Variants in PCDHGB4 observed in about 807,000 individuals in gnomAD.
PCDHGB4 encodes protocadherin gamma subfamily B, 4.
A neutral mutation model predicts 60.5 loss-of-function variants in PCDHGB4; 38 were observed. The ratio of observed to expected loss-of-function variants is 0.63; its 90% CI spans 0.48 to 0.82. The LOEUF is 0.82. Among genes scored for constraint, PCDHGB4 ranks in the 40% least tolerant of loss-of-function variants. The pLI, the probability that PCDHGB4 is intolerant of heterozygous loss-of-function variation, is 0.00. For missense variants in PCDHGB4, 1,109 were observed against 1,209.6 expected, an observed-to-expected ratio of 0.92 and a Z score of 1.23; for synonymous variants, 456 against 509.7, an observed-to-expected ratio of 0.89 and a Z score of 1.42.
At chr5:141,428,307 C>T (rs759382004) in intron 1 of PCDHGB4, 5 of 688,034 alleles carry the variant, frequency 7.3e-6, no homozygotes, top group Non-Finnish European at 5.1e-6. Flanking sequence ...TTTACCTGGT[C>T]GTGGCCTTGG....
chr5:141,442,702 T>G (rs1301940560), intron 1 of PCDHGB4, among the ~76,000 whole-genome samples: 6 of 152,224 alleles, frequency 3.9e-5, no homozygotes, highest in Non-Finnish European at 8.8e-5. Context: ...GACAAGAGTA[T>G]CAGACATGCC....
intron 1 of PCDHGB4, chr5:141,415,377 C>T (rs774655293): frequency 1.2e-6 from 2 of 1,614,118 alleles, no homozygotes; most frequent in African/African-American, 2.7e-5. Flanking sequence ...CTTCAGGAGG[C>T]GGCTTGACAG....
chr5:141,414,550 G>A (rs773044624), intron 1 of PCDHGB4: 1 of 1,613,948 alleles, frequency 6.2e-7, no homozygotes, highest in East Asian at 2.2e-5. Flanking sequence ...CTTCTCTCAA[G>A]TCTCCTACTT....
rs1376069004 is a variant in PCDHGB4 at position 141,457,869 on chromosome 5, G to T, written c.2398-36938G>T. On this transcript the variant is annotated intron_variant, in intron 1 of 3. Transcript: ENST00000519479. ...AAGTGACATTCTTCACTGACCACAG[G>T]TTAGGAACCCTGTGTGGGGACTGTG... 2.0e-5 allele frequency among the ~76,000 whole-genome samples: 3 copies of T among 152,334 alleles called. No individual in the cohort carries two copies. The East Asian group carries it at 5.8e-4, about 29-fold the overall frequency.
intron 1 of PCDHGB4, among the ~76,000 whole-genome samples, chr5:141,458,596 G>A (rs907922436): frequency 1.8e-4 from 27 of 151,842 alleles, no homozygotes; most frequent in African/African-American, 5.8e-4. Flanking sequence ...TTGGAGACGA[G>A]TCTCACTCTG....
chr5:141,403,308 T>C (rs1245270186), intron 1 of PCDHGB4: 2 of 1,613,866 alleles, frequency 1.2e-6, no homozygotes, highest in Admixed American at 1.7e-5. Flanking sequence ...CTGTACGGAA[T>C]AGAAATAGAA....
intron 1 of PCDHGB4, among the ~76,000 whole-genome samples, chr5:141,430,358 C>T (rs2097275535): frequency 6.7e-6 from 1 of 149,028 alleles, no homozygotes; most frequent in South Asian, 2.1e-4. Flanking sequence ...TTTAAAAGCT[C>T]ATTGGGGAAA....
chr5:141,394,427 G>A (rs748527281), intron 1 of PCDHGB4: 23 of 1,614,228 alleles, frequency 1.4e-5, no homozygotes, highest in Non-Finnish European at 1.6e-5. Flanking sequence ...GCGACAGCGG[G>A]GACCCGCCCC....
Position 141,486,697 on chromosome 5 carries a change from C to G in PCDHGB4, c.2398-8110C>G. 1 of 1,614,176 alleles carries G rather than the reference C, an allele frequency of 6.2e-7. No individual in the cohort carries two copies. The highest frequency in any genetic ancestry group is 8.5e-7 in the Non-Finnish European group (1 of 1,180,032). ...GAGATGTATCAGCTTCCTCTTTCATCTCTCTGAACCCCCAGACAGGAGCTG... is the reference window on the plus strand; with the variant it reads ...GAGATGTATCAGCTTCCTCTTTCATGTCTCTGAACCCCCAGACAGGAGCTG... On this transcript the variant is annotated intron_variant, in intron 1 of 3. Coordinates refer to ENST00000519479, the MANE Select transcript of PCDHGB4 (RefSeq NM_003736.4). The surrounding 1 kb of genome is among the most constrained non-coding windows in gnomAD (Gnocchi z 5.0).
chr5:141,420,065 G>T, intron 1 of PCDHGB4: 1 of 1,614,018 alleles, frequency 6.2e-7, no homozygotes, highest in East Asian at 2.2e-5. Flanking sequence ...CTCCAAGTCC[G>T]GACCTGTGGG....
At chr5:141,461,820 A>AT (rs1458631685) in intron 1 of PCDHGB4, among the ~76,000 whole-genome samples, 5 of 147,814 alleles carry the variant, frequency 3.4e-5, no homozygotes, top group African/African-American at 7.5e-5. Context: ...CACCCAGCTA[A>AT]TTTTTTTTTC....
rs1237358865 is a variant in PCDHGB4 at position 141,388,062 on chromosome 5, G to A, written c.178G>A (p.Glu60Lys). 1 of 1,380,416 alleles carries A rather than the reference G, an allele frequency of 7.2e-7. No individual in the cohort carries two copies. The highest frequency in any genetic ancestry group is 1.5e-5 in the African/African-American group (1 of 68,620). The allele number at this position is 1,380,416 out of a possible 1,614,324, so 85.5% of individuals were successfully genotyped here. ...LATDLGFSVQ[E>K]LPTRKLRVSS... Reference sequence around the variant, plus strand: ...CACGGACCTGGGGTTCAGCGTCCAGGAGTTACCGACTCGAAAACTGCGCGT... The same window carrying A: ...CACGGACCTGGGGTTCAGCGTCCAGAAGTTACCGACTCGAAAACTGCGCGT... Residue 60 changes from glutamate (E) to lysine (K), a missense_variant, in exon 1 of 4, where the codon GAG becomes AAG. Physicochemically the swap from Glu to Lys is moderately conservative, Grantham distance 56. Coordinates refer to ENST00000519479, the MANE Select transcript of PCDHGB4 (RefSeq NM_003736.4).
In PCDHGB4 at chr5:141,490,499, A is replaced by G. The variant is rs1269710790; in HGVS notation, c.2398-4308A>G. On this transcript the variant is annotated intron_variant, in intron 1 of 3. Coordinates refer to ENST00000519479, the MANE Select transcript of PCDHGB4 (RefSeq NM_003736.4). The surrounding 1 kb of genome is among the most constrained non-coding windows in gnomAD (Gnocchi z 5.4). ...TTGGACCGGGAGGCCACATCCCACT[A>G]TATCATCGAGCTGCTGGCCAGCGAT... 1.2e-6 allele frequency: 2 copies of G among 1,614,148 alleles called. No homozygotes were observed. Among genetic ancestry groups the G allele is most frequent in the Non-Finnish European group, 8.5e-7 (1 of 1,180,020 alleles).
intron 1 of PCDHGB4, chr5:141,393,251 G>A: frequency 6.2e-7 from 1 of 1,613,814 alleles, no homozygotes; most frequent in Non-Finnish European, 8.5e-7. Context: ...ACGAAATCGC[G>A]GTTCCTGGAG....
chr5:141,483,736 G>A (rs1296877404), intron 1 of PCDHGB4, among the ~76,000 whole-genome samples: 1 of 152,110 alleles, frequency 6.6e-6, no homozygotes, highest in Non-Finnish European at 1.5e-5. Flanking sequence ...ATAGTCAAAA[G>A]GATATTCCTG....
chr5:141,415,375 G>A (rs1453832867), intron 1 of PCDHGB4: 12 of 1,614,258 alleles, frequency 7.4e-6, no homozygotes, highest in South Asian at 1.1e-5. Context: ...GGCTTCAGGA[G>A]GCGGCTTGAC....
At chr5:141,482,761 ATT>A (rs2099571906) in intron 1 of PCDHGB4, among the ~76,000 whole-genome samples, 1 of 127,370 alleles carries the variant, frequency 7.9e-6, no homozygotes, top group Admixed American at 7.7e-5. Flanking sequence ...ATGGTATTTC[ATT>A]ATCACTGAAC....
chr5:141,413,824 A>C, intron 1 of PCDHGB4: 1 of 1,613,112 alleles, frequency 6.2e-7, no homozygotes, highest in South Asian at 1.1e-5. Flanking sequence ...CCTGGTCCTC[A>C]CCGCCTCCGA....
At chr5:141,403,157 A>G in intron 1 of PCDHGB4, 3 of 1,614,030 alleles carry the variant, frequency 1.9e-6, no homozygotes, top group Non-Finnish European at 8.5e-7. Context: ...CATCGTCTCT[A>G]GAGGTAGGAC....
Sources: gnomAD v4.1 joint callset for allele counts (sites outside exome capture counted in the v4.1 genomes callset) on GRCh38, gnomAD v4.1.1 for gene constraint, Gnocchi (gnomAD v3.1) non-coding constraint, MANE v1.5 for transcripts, NCBI Gene and HGNC (gene_info 2026-07-23, HGNC 2026-07-21) for gene names.